ABLIM3: variants seen among roughly 807,000 people sequenced by gnomAD.
ABLIM3 encodes actin binding LIM protein family member 3.
A neutral mutation model predicts 109.5 loss-of-function variants in ABLIM3; 61 were observed. The observed-to-expected ratio is 0.56, with a 90% CI of 0.45 to 0.69. ABLIM3 has a LOEUF of 0.69. ABLIM3 is among the 30% of genes least tolerant of loss of function. The pLI, the probability that ABLIM3 is intolerant of heterozygous loss-of-function variation, is 0.00. For missense variants in ABLIM3, 796 were observed against 889.5 expected (o/e 0.89, Z 1.34); for synonymous variants, 300 against 324.8 (o/e 0.92, Z 0.82).
Position 149,252,267 on chromosome 5 carries a change from G to T in ABLIM3, c.1857+59G>T, listed in dbSNP as rs536086683. 1.4e-4 allele frequency: 216 copies of T among 1,591,948 alleles called. No individual in the cohort carries two copies. The African/African-American group carries it at 2.5e-3, about 18-fold the overall frequency. ...GGATTCTTGGAGCCGCTACACTGGG[G>T]ATCACCAGGAGGATGACAGCACTGT... On this transcript the variant is annotated intron_variant, in intron 22 of 23. Transcript: ENST00000309868.
intron 3 of ABLIM3, among the ~76,000 whole-genome samples, chr5:149,195,543 A>G (rs1337687054): frequency 1.3e-5 from 2 of 152,088 alleles, no homozygotes; most frequent in Non-Finnish European, 2.9e-5. Flanking sequence ...TGATTGTTCC[A>G]AGTTTTCCTA....
chr5:149,188,684 G>A (rs1007609739), intron 3 of ABLIM3, among the ~76,000 whole-genome samples: 4 of 152,142 alleles, frequency 2.6e-5, no homozygotes, highest in Admixed American at 6.5e-5. Flanking sequence ...CATCATGAGG[G>A]CCCCACCCTT....
Position 149,250,510 on chromosome 5 carries a change from GA to G in ABLIM3, c.1788+7del. 6.2e-7 allele frequency: 1 copy of G among 1,614,180 alleles called. No homozygotes were observed. The highest frequency in any genetic ancestry group is 1.1e-5 in the South Asian group (1 of 91,088). On this transcript the variant is annotated splice_donor_region_variant and intron_variant, in intron 20 of 23. Transcript: ENST00000309868. ...CGAAGAAATGGGCTGCACAGGGTAAGAAGCTGTGCTGGAGGATGGGGGAGGA... is the reference window on the plus strand; with the variant it reads ...CGAAGAAATGGGCTGCACAGGGTAAGAGCTGTGCTGGAGGATGGGGGAGGA...
intron 23 of ABLIM3, among the ~76,000 whole-genome samples, chr5:149,255,359 C>T (rs747957745): frequency 1.5e-4 from 23 of 152,146 alleles, no homozygotes; most frequent in Non-Finnish European, 2.5e-4. Context: ...AAACAGAGAC[C>T]GCTGCCCTCT....
chr5:149,227,780 T>C (rs1761466949), intron 8 of ABLIM3, among the ~76,000 whole-genome samples: 2 of 152,252 alleles, frequency 1.3e-5, no homozygotes, highest in African/African-American at 4.8e-5. Flanking sequence ...TAGATTGTAC[T>C]ACTTGTCCAA....
intron 16 of ABLIM3, 147 bp downstream of exon 16, chr5:149,245,162 C>A: frequency 8.8e-7 from 1 of 1,133,546 alleles, no homozygotes; most frequent in Non-Finnish European, 1.2e-6. Context: ...ATTCATTCAA[C>A]AAATATGTAC....
chr5:149,254,954 T>C (rs1754299913), intron 23 of ABLIM3, among the ~76,000 whole-genome samples: 1 of 152,204 alleles, frequency 6.6e-6, no homozygotes, highest in Non-Finnish European at 1.5e-5. Context: ...GCCCATGGGC[T>C]AAAGACACTG....
intron 2 of ABLIM3, among the ~76,000 whole-genome samples, chr5:149,178,478 G>A (rs1411612262): frequency 1.3e-5 from 2 of 152,120 alleles, no homozygotes; most frequent in Non-Finnish European, 1.5e-5. Flanking sequence ...CAGTTGTTAC[G>A]CTGTCTCCAA....
intron 7 of ABLIM3, among the ~76,000 whole-genome samples, chr5:149,213,048 G>T (rs1759713104): frequency 6.6e-6 from 1 of 152,174 alleles, no homozygotes; most frequent in South Asian, 2.1e-4. Context: ...GAGAGGTGGA[G>T]GTTGCAATAA....
chr5:149,190,656 G>T (rs372832999), intron 3 of ABLIM3, among the ~76,000 whole-genome samples: 1 of 152,194 alleles, frequency 6.6e-6, no homozygotes, highest in East Asian at 1.9e-4. Context: ...CTCCAGGCTG[G>T]TGGACAGAGT....
At chr5:149,155,718 C>T (rs186471449) in intron 2 of ABLIM3, among the ~76,000 whole-genome samples, 6 of 152,098 alleles carry the variant, frequency 3.9e-5, no homozygotes, top group Non-Finnish European at 8.8e-5. Context: ...GGATGGAGAC[C>T]GAAATAAAAA....
At chr5:149,250,528 G>C in intron 20 of ABLIM3, 23 bp downstream of exon 20, 1 of 1,613,924 alleles carries the variant, frequency 6.2e-7, no homozygotes, top group South Asian at 1.1e-5. Context: ...GCTGGAGGAT[G>C]GGGGAGGACG....
At chr5:149,163,918 G>GGT (rs1754603702) in intron 2 of ABLIM3, 1 of 152,076 alleles carries the variant, frequency 6.6e-6, no homozygotes, top group Non-Finnish European at 1.5e-5. Flanking sequence ...TTTTTCCCCA[G>GGT]GTGAGCCCTT....
At chr5:149,215,122 A>G (rs73263886) in intron 7 of ABLIM3, among the ~76,000 whole-genome samples, 106 of 152,314 alleles carry the variant, frequency 7.0e-4, no homozygotes, top group Middle Eastern at 3.4e-3. Context: ...GTAGTGGGGC[A>G]TGACATTTAG....
At chr5:149,238,984 G>C (rs1752517215) in intron 11 of ABLIM3, among the ~76,000 whole-genome samples, 1 of 152,222 alleles carries the variant, frequency 6.6e-6, no homozygotes, top group Non-Finnish European at 1.5e-5. Context: ...CTTCTGCCCT[G>C]AGTGGCCGTG....
chr5:149,170,054 G>A (rs181782510), intron 2 of ABLIM3, among the ~76,000 whole-genome samples: 23 of 152,116 alleles, frequency 1.5e-4, no homozygotes, highest in East Asian at 5.8e-4. Flanking sequence ...ATGGGGGTTC[G>A]TTGTACAGAT....
At chr5:149,237,634 A>G (rs1752348880) in intron 11 of ABLIM3, 31 bp downstream of exon 11, 1 of 1,612,348 alleles carries the variant, frequency 6.2e-7, no homozygotes, top group Non-Finnish European at 8.5e-7. Flanking sequence ...CTCTGGGGCT[A>G]TTGTAGGAAA....
intron 3 of ABLIM3, among the ~76,000 whole-genome samples, chr5:149,197,551 T>C (rs147156554): frequency 6.6e-6 from 1 of 152,146 alleles, no homozygotes; most frequent in Non-Finnish European, 1.5e-5. Flanking sequence ...TGCCTGAGAA[T>C]AGACACCCCC....
chr5:149,159,148 G>A (rs1754106399), intron 2 of ABLIM3, among the ~76,000 whole-genome samples: 1 of 152,124 alleles, frequency 6.6e-6, no homozygotes, highest in Admixed American at 6.5e-5. Context: ...TAGACAAATG[G>A]ATAAACAATC....
Sources: gnomAD v4.1 joint callset for allele counts (sites outside exome capture counted in the v4.1 genomes callset) on GRCh38, gnomAD v4.1.1 for gene constraint, MANE v1.5 for transcripts, NCBI Gene and HGNC (gene_info 2026-07-23, HGNC 2026-07-21) for gene names.